The following ILRUN variants were observed in gnomAD, a reference collection of about 807,000 sequenced individuals.
The protein encoded by ILRUN is inflammation and lipid regulator with UBA-like and NBR1-like domains.
In ILRUN, 3 loss-of-function variants were observed where a neutral mutation model predicts 33.8. The ratio of observed to expected loss-of-function variants is 0.09; its 90% CI spans 0.04 to 0.23. The LOEUF (loss-of-function observed/expected upper bound fraction) is 0.23, where lower values mean the gene tolerates loss of function less well. Ranked by LOEUF, ILRUN falls within the 10% of genes least tolerant of loss-of-function variation. The pLI is 1.00. For missense variants in ILRUN, 210 were observed against 375.1 expected (o/e 0.56, Z 3.64); for synonymous variants, 124 against 138.9 (o/e 0.89, Z 0.75).
chr6:34,665,548 A>G (rs1762976719), intron 1 of ILRUN, among the ~76,000 whole-genome samples: 1 of 152,022 alleles, frequency 6.6e-6, no homozygotes, highest in African/African-American at 2.4e-5. Context: ...AGCCTCCCAA[A>G]GTGTTGGGAT....
At chr6:34,628,759 T>C (rs904918306) in intron 3 of ILRUN, among the ~76,000 whole-genome samples, 1 of 152,132 alleles carries the variant, frequency 6.6e-6, no homozygotes, top group Non-Finnish European at 1.5e-5. Flanking sequence ...TAGGGTAACG[T>C]TGGCCTCACA....
At chr6:34,658,490 C>CTTTTTTTT (rs71538252) in intron 1 of ILRUN, among the ~76,000 whole-genome samples, 13 of 130,876 alleles carry the variant, frequency 9.9e-5, no homozygotes, top group South Asian at 2.4e-4. Flanking sequence ...TTTTCTTTTT[C>CTTTTTTTT]TTTTTTTTTT....
chr6:34,694,327 G>A (rs1763710061), intron 1 of ILRUN, among the ~76,000 whole-genome samples: 1 of 152,130 alleles, frequency 6.6e-6, no homozygotes, highest in Non-Finnish European at 1.5e-5. Flanking sequence ...CAAGGGGTTG[G>A]GAGAAATAAT....
Position 34,602,539 on chromosome 6 carries a change from G to C in ILRUN, c.861+4016C>G, listed in dbSNP as rs545611633. ...TAGAATTCACAGCAAGGTTAGCCTT[G>C]AGTCAACGGAGTGAGCACCTATGCT... On this transcript the variant is annotated intron_variant, in intron 4 of 4. Coordinates refer to ENST00000374023, the MANE Select transcript of ILRUN (RefSeq NM_024294.4). 1.9e-4 allele frequency among the ~76,000 whole-genome samples: 29 copies of C among 152,284 alleles called. No individual in the cohort carries two copies. In the South Asian group the frequency reaches 6.0e-3, roughly 32 times the overall value.
chr6:34,624,570 G>A (rs1182464182), intron 3 of ILRUN, among the ~76,000 whole-genome samples: 1 of 151,842 alleles, frequency 6.6e-6, no homozygotes, highest in African/African-American at 2.4e-5. Context: ...CTGACCTCAG[G>A]TGATCCACCT....
intron 1 of ILRUN, among the ~76,000 whole-genome samples, chr6:34,695,311 A>C (rs1763740292): frequency 6.6e-6 from 1 of 152,182 alleles, no homozygotes; most frequent in Admixed American, 6.5e-5. Context: ...AGGGCACTGA[A>C]CCTTTTGCCT....
intron 1 of ILRUN, among the ~76,000 whole-genome samples, chr6:34,665,628 T>C (rs947512731): frequency 6.6e-6 from 1 of 152,036 alleles, no homozygotes; most frequent in African/African-American, 2.4e-5. Context: ...AGGGTCTTGT[T>C]ACATTTCACA....
intron 4 of ILRUN, among the ~76,000 whole-genome samples, chr6:34,603,690 A>T (rs895616074): frequency 6.6e-6 from 1 of 152,192 alleles, no homozygotes; most frequent in African/African-American, 2.4e-5. Context: ...ATATATTAGG[A>T]CTGTATTGCT....
At chr6:34,614,698 G>A (rs1372874654) in intron 3 of ILRUN, among the ~76,000 whole-genome samples, 1 of 151,626 alleles carries the variant, frequency 6.6e-6, no homozygotes, top group Non-Finnish European at 1.5e-5. Flanking sequence ...CCAAAAAATT[G>A]TATAGGGAGA....
At chr6:34,656,214 C>A (rs1247050835) in intron 1 of ILRUN, among the ~76,000 whole-genome samples, 1 of 126,054 alleles carries the variant, frequency 7.9e-6, no homozygotes, top group East Asian at 2.3e-4. Flanking sequence ...CCAGCCCAGG[C>A]AACAGTGCCA....
intron 3 of ILRUN, among the ~76,000 whole-genome samples, chr6:34,628,524 G>C (rs373573894): frequency 3.0e-4 from 45 of 151,858 alleles, no homozygotes; most frequent in Middle Eastern, 6.8e-3. Context: ...AGTAGACACG[G>C]GGTTTCACCG....
intron 4 of ILRUN, among the ~76,000 whole-genome samples, chr6:34,598,039 C>T (rs557464220): frequency 5.3e-5 from 8 of 152,306 alleles, no homozygotes; most frequent in Middle Eastern, 3.4e-3. Flanking sequence ...GGCTCTTATT[C>T]TTTCCTATGG....
intron 1 of ILRUN, among the ~76,000 whole-genome samples, chr6:34,682,131 C>T (rs1234885695): frequency 2.6e-5 from 4 of 150,960 alleles, no homozygotes; most frequent in Non-Finnish European, 4.4e-5. Context: ...CCTGGCCTCC[C>T]AAAGTGCTGG....
intron 3 of ILRUN, among the ~76,000 whole-genome samples, chr6:34,620,757 C>G (rs913312807): frequency 1.3e-5 from 2 of 152,126 alleles, no homozygotes; most frequent in African/African-American, 4.8e-5. Flanking sequence ...TGAGCCCTTA[C>G]GTTTGAGGCT....
chr6:34,682,025 TA>T (rs1763370556), intron 1 of ILRUN, among the ~76,000 whole-genome samples: 1 of 100,496 alleles, frequency 1.0e-5, no homozygotes, highest in African/African-American at 4.1e-5. Context: ...CTAATTCTTA[TA>T]TTTTTATTTT....
chr6:34,603,074 A>T (rs1320003103), intron 4 of ILRUN, among the ~76,000 whole-genome samples: 6 of 152,194 alleles, frequency 3.9e-5, no homozygotes, highest in African/African-American at 1.4e-4. Flanking sequence ...TGCCTACTAA[A>T]ACTGTGGTCA....
chr6:34,627,225 C>G (rs531435569), intron 3 of ILRUN, among the ~76,000 whole-genome samples: 1 of 152,108 alleles, frequency 6.6e-6, no homozygotes, highest in African/African-American at 2.4e-5. Flanking sequence ...CTTCCATGTG[C>G]CTTAATGGCT....
chr6:34,637,713 A>G (rs1231405464), intron 3 of ILRUN, among the ~76,000 whole-genome samples: 2 of 152,210 alleles, frequency 1.3e-5, no homozygotes, highest in Non-Finnish European at 2.9e-5. Context: ...GCTAATTACT[A>G]TACTTTACAA....
At chr6:34,686,227 G>A (rs1181263424) in intron 1 of ILRUN, among the ~76,000 whole-genome samples, 1 of 152,172 alleles carries the variant, frequency 6.6e-6, no homozygotes, top group Non-Finnish European at 1.5e-5. Flanking sequence ...CAGGCCAGGT[G>A]TGGTGGCTCA....
Sources: gnomAD v4.1 joint callset for allele counts (sites outside exome capture counted in the v4.1 genomes callset) on GRCh38, gnomAD v4.1.1 for gene constraint, MANE v1.5 for transcripts, NCBI Gene and HGNC (gene_info 2026-07-23, HGNC 2026-07-21) for gene names.